AFF3: variants seen among roughly 807,000 people sequenced by gnomAD.
The protein encoded by AFF3 is AF4/FMR2 family member 3.
In AFF3, 32 loss-of-function variants were observed where a neutral mutation model predicts 129.7. The ratio of observed to expected loss-of-function variants is 0.25; its 90% CI spans 0.19 to 0.33. AFF3 has a LOEUF of 0.33. AFF3 is among the 10% of genes least tolerant of loss of function. The probability of loss-of-function intolerance (pLI) is 1.00; values close to 1 mark genes in which losing one functional copy is unlikely to be tolerated. For synonymous variants in AFF3, 644 were observed against 635.4 expected (o/e 1.01, Z -0.20); for missense variants, 1,373 against 1,592.0 (o/e 0.86, Z 2.34).
rs572255566 is a variant in AFF3, at chr2:99,608,980, A to T, written c.1185-7359T>A. 2.6e-5 allele frequency among the ~76,000 whole-genome samples: 4 copies of T among 152,286 alleles called. No individual in the cohort carries two copies. In the East Asian group the frequency reaches 7.7e-4, roughly 29 times the overall value. On this transcript the variant is annotated intron_variant, in intron 13 of 24. Coordinates refer to ENST00000672756, the MANE Select transcript of AFF3 (RefSeq NM_001386135.1). ...GAGATGGCTCAATATAAAATAGAAA[A>T]ATATAGAGACCACAACCAGAAGAAG...
chr2:99,796,394 T>C (rs1242625652), intron 8 of AFF3, among the ~76,000 whole-genome samples: 3 of 152,218 alleles, frequency 2.0e-5, no homozygotes, highest in Non-Finnish European at 4.4e-5. Context: ...AGATTTTAAC[T>C]CAAAAAGTTT....
At chr2:100,001,437 T>C (rs1007806124) in intron 7 of AFF3, among the ~76,000 whole-genome samples, 1 of 152,256 alleles carries the variant, frequency 6.6e-6, no homozygotes. Flanking sequence ...TTTTGGTTTT[T>C]GGTTTTTTTG....
At chr2:99,633,309 C>A (rs1683304486) in intron 13 of AFF3, among the ~76,000 whole-genome samples, 1 of 152,076 alleles carries the variant, frequency 6.6e-6, no homozygotes, top group African/African-American at 2.4e-5. Context: ...TGTCTCAGCA[C>A]AGCAGTGATG....
intron 4 of AFF3, among the ~76,000 whole-genome samples, chr2:100,057,227 A>G (rs892062758): frequency 2.7e-5 from 4 of 148,380 alleles, no homozygotes; most frequent in Non-Finnish European, 4.5e-5. Context: ...AGGCTGAGGC[A>G]GGAGAATCAC....
chr2:99,565,443 T>C (rs1168532087), intron 20 of AFF3, 44 bp downstream of exon 20: 2 of 1,602,014 alleles, frequency 1.2e-6, no homozygotes, highest in Non-Finnish European at 1.7e-6. Flanking sequence ...CTTCCACACA[T>C]TCCTCACTCC....
intron 22 of AFF3, among the ~76,000 whole-genome samples, chr2:99,557,528 G>C (rs938272748): frequency 6.6e-6 from 1 of 152,130 alleles, no homozygotes; most frequent in Non-Finnish European, 1.5e-5. Flanking sequence ...TGTAGCCCCT[G>C]GCGGCTTACA....
At chr2:100,132,523 CTA>C (rs992527778) in intron 1 of AFF3, among the ~76,000 whole-genome samples, 1 of 152,104 alleles carries the variant, frequency 6.6e-6, no homozygotes, top group African/African-American at 2.4e-5. Context: ...AAGAAAAAGA[CTA>C]GAGAAATTTA....
chr2:99,951,652 T>A (rs867662552), intron 7 of AFF3, among the ~76,000 whole-genome samples: 1 of 152,128 alleles, frequency 6.6e-6, no homozygotes. Flanking sequence ...ACCTTTTTAT[T>A]TATTTATTTT....
chr2:99,958,365 C>T (rs1676862270), intron 7 of AFF3, among the ~76,000 whole-genome samples: 2 of 151,794 alleles, frequency 1.3e-5, no homozygotes, highest in African/African-American at 4.8e-5. Context: ...TGGTGGCACA[C>T]ACCTGTAATT....
chr2:99,846,766 T>C (rs1045330182), intron 7 of AFF3, among the ~76,000 whole-genome samples: 1 of 152,228 alleles, frequency 6.6e-6, no homozygotes, highest in Non-Finnish European at 1.5e-5. Flanking sequence ...CACATTCTAT[T>C]AATTTTATTT....
intron 2 of AFF3, 126 bp downstream of exon 2, chr2:100,129,098 G>A (rs1227442049): frequency 6.6e-6 from 1 of 152,118 alleles, no homozygotes; most frequent in East Asian, 1.9e-4. Context: ...GTTAGCAGCA[G>A]CAACCGCTTA....
At chr2:99,688,514 T>C (rs1675291236) in intron 11 of AFF3, among the ~76,000 whole-genome samples, 1 of 152,238 alleles carries the variant, frequency 6.6e-6, no homozygotes, top group Non-Finnish European at 1.5e-5. Flanking sequence ...ATGGACACCT[T>C]GGTCTCCTTG....
At chr2:99,649,484 TA>T in intron 13 of AFF3, 141 bp downstream of exon 13, 1 of 920,984 alleles carries the variant, frequency 1.1e-6, no homozygotes, top group Non-Finnish European at 1.7e-6. Context: ...ACATGCATGA[TA>T]AATCCAAGCA....
At chr2:99,895,523 A>G (rs1443073405) in intron 7 of AFF3, among the ~76,000 whole-genome samples, 1 of 152,116 alleles carries the variant, frequency 6.6e-6, no homozygotes, top group Non-Finnish European at 1.5e-5. Context: ...AACCTTCTGA[A>G]GTCAGTTTTA....
intron 13 of AFF3, among the ~76,000 whole-genome samples, chr2:99,648,917 A>ACACTCTCTCTCTCTCTCT: frequency 3.8e-3 from 180 of 46,902 alleles, no homozygotes; most frequent in African/African-American, 0.011. Flanking sequence ...ACACACACAC[A>ACACTCTCTCTCTCTCTCT]CTCTCTCTCT....
At chr2:99,895,979 G>A (rs1401524653) in intron 7 of AFF3, among the ~76,000 whole-genome samples, 1 of 144,462 alleles carries the variant, frequency 6.9e-6, no homozygotes, top group Non-Finnish European at 1.5e-5. Flanking sequence ...TAAGGCAGGA[G>A]AATTGCTTGA....
At chr2:99,643,054 GATTT>G (rs1684354211) in intron 13 of AFF3, among the ~76,000 whole-genome samples, 1 of 114,136 alleles carries the variant, frequency 8.8e-6, no homozygotes, top group African/African-American at 3.1e-5. Context: ...ATACTTAAAA[GATTT>G]TTTTTTTTTT....
At chr2:100,072,305 GCT>G (rs1213093196) in intron 4 of AFF3, among the ~76,000 whole-genome samples, 1 of 152,176 alleles carries the variant, frequency 6.6e-6, no homozygotes, top group Non-Finnish European at 1.5e-5. Context: ...TCTGGGTTGT[GCT>G]CTCTTTATGA....
intron 11 of AFF3, among the ~76,000 whole-genome samples, chr2:99,686,179 G>C (rs1451365187): frequency 1.3e-5 from 2 of 152,076 alleles, no homozygotes; most frequent in Non-Finnish European, 2.9e-5. Context: ...GACACAGCGA[G>C]ACTCCATCTA....
Sources: allele counts gnomAD v4.1 joint callset (sites outside exome capture counted in the v4.1 genomes callset), GRCh38; gene constraint gnomAD v4.1.1; transcripts MANE v1.5; gene names NCBI Gene and HGNC (gene_info 2026-07-23, HGNC 2026-07-21).